The following BANK1 variants were observed in gnomAD, a reference collection of about 807,000 sequenced individuals.
The protein encoded by BANK1 is B-cell scaffold protein with ankyrin repeats.
Under a neutral mutation model 94.5 loss-of-function variants are expected in BANK1, and 95 were observed. The ratio of observed to expected loss-of-function variants is 1.00; its 90% CI spans 0.85 to 1.19. The LOEUF is 1.19. Ranked by LOEUF, BANK1 falls within the 50% of genes most tolerant of loss-of-function variation. BANK1 has a pLI of 0.00. For missense variants in BANK1, 987 were observed against 932.2 expected, an observed-to-expected ratio of 1.06 and a Z score of -0.77; for synonymous variants, 334 against 308.4, an observed-to-expected ratio of 1.08 and a Z score of -0.87.
intron 7 of BANK1, among the ~76,000 whole-genome samples, chr4:101,955,545 T>C (rs1325479875): frequency 5.7e-4 from 87 of 152,128 alleles, no homozygotes; most frequent in Non-Finnish European, 1.2e-4. Context: ...AGACAAATGA[T>C]GTCCTGTATA....
At chr4:101,888,765 T>C (rs1721726751) in intron 5 of BANK1, among the ~76,000 whole-genome samples, 1 of 152,246 alleles carries the variant, frequency 6.6e-6, no homozygotes, top group East Asian at 1.9e-4. Flanking sequence ...GCTCCGCATG[T>C]GGTAGTTATT....
intron 10 of BANK1, among the ~76,000 whole-genome samples, chr4:102,038,706 T>C (rs899012274): frequency 6.6e-6 from 1 of 152,168 alleles, no homozygotes; most frequent in Non-Finnish European, 1.5e-5. Flanking sequence ...TCCTGGATTA[T>C]AAAAGTTTCT....
At chr4:102,071,799 A>T (rs1001758966) in intron 14 of BANK1, among the ~76,000 whole-genome samples, 2 of 152,174 alleles carry the variant, frequency 1.3e-5, no homozygotes, top group Non-Finnish European at 2.9e-5. Context: ...TGGGATAGTA[A>T]GGAGGAGCTA....
intron 1 of BANK1, among the ~76,000 whole-genome samples, chr4:101,807,573 A>C (rs1012244165): frequency 1.3e-5 from 2 of 152,160 alleles, no homozygotes; most frequent in African/African-American, 4.8e-5. Flanking sequence ...ACTGTTCTCC[A>C]AAAGGAGGTT....
chr4:101,993,649 A>G (rs951115595), intron 7 of BANK1, among the ~76,000 whole-genome samples: 2 of 152,200 alleles, frequency 1.3e-5, no homozygotes, highest in Non-Finnish European at 2.9e-5. Flanking sequence ...GAAAAATTGT[A>G]GCCACTGATA....
At chr4:101,922,980 T>A (rs1488994309) in intron 7 of BANK1, among the ~76,000 whole-genome samples, 1 of 151,876 alleles carries the variant, frequency 6.6e-6, no homozygotes, top group Non-Finnish European at 1.5e-5. Context: ...TTTGCTTTAT[T>A]GTCAAATTTT....
chr4:101,813,906 G>C (rs1725807671), intron 1 of BANK1: 1 of 985,016 alleles, frequency 1.0e-6, no homozygotes, highest in African/African-American at 1.7e-5. Context: ...GCTTGCATCT[G>C]ATGAGTAGAA....
At chr4:101,902,838 A>G (rs1453606292) in intron 6 of BANK1, among the ~76,000 whole-genome samples, 2 of 152,214 alleles carry the variant, frequency 1.3e-5, no homozygotes, top group East Asian at 1.9e-4. Flanking sequence ...CCTTTAGTCA[A>G]AGGTCCTGGA....
intron 5 of BANK1, among the ~76,000 whole-genome samples, chr4:101,871,470 T>C (rs1326848189): frequency 6.6e-6 from 1 of 152,150 alleles, no homozygotes; most frequent in Non-Finnish European, 1.5e-5. Flanking sequence ...AAGCTTTATG[T>C]GTTTAAACTA....
chr4:102,050,399 G>A (rs900877046), intron 11 of BANK1, among the ~76,000 whole-genome samples: 4 of 152,250 alleles, frequency 2.6e-5, no homozygotes, highest in African/African-American at 9.6e-5. Flanking sequence ...AGAATTATTT[G>A]CAGAGCTTTT....
intron 6 of BANK1, among the ~76,000 whole-genome samples, chr4:101,896,404 C>T (rs1722080666): frequency 6.6e-6 from 1 of 151,892 alleles, no homozygotes; most frequent in African/African-American, 2.4e-5. Flanking sequence ...GTTTTGTCAT[C>T]AGCCTGGAAG....
intron 2 of BANK1, among the ~76,000 whole-genome samples, chr4:101,842,022 A>T (rs1727067189): frequency 6.6e-6 from 1 of 152,200 alleles, no homozygotes; most frequent in Admixed American, 6.5e-5. Flanking sequence ...ATTTTCTGGT[A>T]CTTCATATGA....
chr4:101,985,227 A>T (rs1049103756), intron 7 of BANK1, among the ~76,000 whole-genome samples: 1 of 152,190 alleles, frequency 6.6e-6, no homozygotes, highest in African/African-American at 2.4e-5. Context: ...GACAGGCAAG[A>T]CAAAGAATAC....
intron 1 of BANK1, chr4:101,813,849 A>G (rs1372197966): frequency 2.0e-6 from 2 of 985,276 alleles, no homozygotes; most frequent in African/African-American, 3.5e-5. Context: ...GCTGCAGAGG[A>G]TGCACACATC....
At chr4:101,901,465 C>A (rs1722280318) in intron 6 of BANK1, among the ~76,000 whole-genome samples, 1 of 152,154 alleles carries the variant, frequency 6.6e-6, no homozygotes, top group Admixed American at 6.5e-5. Flanking sequence ...TTGCTGTATA[C>A]CTTTTCCCTA....
chr4:101,892,256 G>T (rs2148889843), intron 5 of BANK1, among the ~76,000 whole-genome samples: 1 of 151,018 alleles, frequency 6.6e-6, no homozygotes, highest in South Asian at 2.1e-4. Context: ...TTATTTATCA[G>T]AAATAAGTGT....
intron 6 of BANK1, among the ~76,000 whole-genome samples, chr4:101,900,690 A>G (rs1722252507): frequency 6.6e-6 from 1 of 152,224 alleles, no homozygotes; most frequent in South Asian, 2.1e-4. Context: ...AATAAATATC[A>G]ATGCTGTTAA....
chr4:101,868,092 G>T (rs927167197), intron 4 of BANK1, among the ~76,000 whole-genome samples: 4 of 151,944 alleles, frequency 2.6e-5, no homozygotes, highest in East Asian at 3.8e-4. Flanking sequence ...TTAAGACACG[G>T]GTAAATCAAA....
intron 7 of BANK1, among the ~76,000 whole-genome samples, chr4:101,937,530 C>G (rs1015941046): frequency 6.6e-6 from 1 of 151,888 alleles, no homozygotes; most frequent in African/African-American, 2.4e-5. Flanking sequence ...CAAGTCAAAA[C>G]CACAATGAGA....
Sources: gnomAD v4.1 joint callset for allele counts (sites outside exome capture counted in the v4.1 genomes callset) on GRCh38, gnomAD v4.1.1 for gene constraint, MANE v1.5 for transcripts, NCBI Gene and HGNC (gene_info 2026-07-23, HGNC 2026-07-21) for gene names.